RAPGEF6: variants seen among roughly 807,000 people sequenced by gnomAD.
RAPGEF6 encodes Rap guanine nucleotide exchange factor 6, also known as PDZ domain containing guanine nucleotide exchange factor (GEF) 2.
RAPGEF6 carries 56 observed loss-of-function variants against 171.4 expected under a neutral mutation model. That is an observed-to-expected ratio of 0.33 (90% confidence interval 0.26 to 0.41). The LOEUF (loss-of-function observed/expected upper bound fraction) is 0.41, where lower values mean the gene tolerates loss of function less well. Among genes scored for constraint, RAPGEF6 ranks in the 10% least tolerant of loss-of-function variants. The pLI is 1.00. For synonymous variants in RAPGEF6, 692 were observed against 650.1 expected (o/e 1.06, Z -0.98); for missense variants, 1,674 against 1,921.4 (o/e 0.87, Z 2.41).
intron 1 of RAPGEF6, among the ~76,000 whole-genome samples, chr5:131,632,804 T>C (rs1766395981): frequency 6.6e-6 from 1 of 152,206 alleles, no homozygotes; most frequent in Admixed American, 6.5e-5. Flanking sequence ...CAGATTTCCT[T>C]CTTCATACTT....
chr5:131,455,771 G>T (rs1447054003), intron 20 of RAPGEF6, 30 bp downstream of exon 20: 7 of 1,564,244 alleles, frequency 4.5e-6, no homozygotes, highest in Non-Finnish European at 5.3e-6. Flanking sequence ...AAACCATGTG[G>T]TAAAACATCA....
At chr5:131,625,203 G>A (rs562546531) in intron 1 of RAPGEF6, among the ~76,000 whole-genome samples, 5 of 152,018 alleles carry the variant, frequency 3.3e-5, no homozygotes, top group South Asian at 2.1e-4. Context: ...CAGAGGTTGC[G>A]GTGAGCTGAG....
chr5:131,473,458 C>T (rs1754890586), intron 16 of RAPGEF6, among the ~76,000 whole-genome samples: 1 of 152,136 alleles, frequency 6.6e-6, no homozygotes, highest in African/African-American at 2.4e-5. Flanking sequence ...GAAACAAACA[C>T]TGTCACTTAG....
At chr5:131,619,088 T>A (rs1765449868) in intron 1 of RAPGEF6, among the ~76,000 whole-genome samples, 1 of 150,718 alleles carries the variant, frequency 6.6e-6, no homozygotes. Flanking sequence ...AAGGAGACTA[T>A]GGTAACCAAA....
intron 4 of RAPGEF6, among the ~76,000 whole-genome samples, chr5:131,575,447 C>T (rs1328785642): frequency 6.6e-6 from 1 of 152,132 alleles, no homozygotes; most frequent in East Asian, 1.9e-4. Flanking sequence ...CTTCCCCATC[C>T]GTTACCGATC....
chr5:131,500,834 G>A (rs1338093125), intron 11 of RAPGEF6, among the ~76,000 whole-genome samples: 1 of 152,112 alleles, frequency 6.6e-6, no homozygotes, highest in South Asian at 2.1e-4. Context: ...GTATCTCCCA[G>A]ATCTCACACA....
At chr5:131,524,353 G>C (rs1375935342) in intron 6 of RAPGEF6, among the ~76,000 whole-genome samples, 1 of 152,198 alleles carries the variant, frequency 6.6e-6, no homozygotes, top group Non-Finnish European at 1.5e-5. Context: ...AGTGCTCTCA[G>C]TTCCTTGCAC....
At chr5:131,493,720 T>C (rs182112481) in intron 13 of RAPGEF6, among the ~76,000 whole-genome samples, 2 of 152,260 alleles carry the variant, frequency 1.3e-5, no homozygotes, top group African/African-American at 4.8e-5. Flanking sequence ...TCTGTTCTGA[T>C]CCTACATTGA....
chr5:131,515,266 C>G (rs1356049986), intron 7 of RAPGEF6, among the ~76,000 whole-genome samples: 2 of 152,092 alleles, frequency 1.3e-5, no homozygotes, highest in Non-Finnish European at 2.9e-5. Context: ...TTTCATGGAC[C>G]ATTTAGTTCT....
At chr5:131,557,122 A>G (rs1761285593) in intron 5 of RAPGEF6, among the ~76,000 whole-genome samples, 1 of 152,192 alleles carries the variant, frequency 6.6e-6, no homozygotes, top group Non-Finnish European at 1.5e-5. Context: ...CTTATGTGAC[A>G]TATGTTACAG....
At chr5:131,557,370 A>C (rs1189422316) in intron 5 of RAPGEF6, among the ~76,000 whole-genome samples, 1 of 152,202 alleles carries the variant, frequency 6.6e-6, no homozygotes, top group Non-Finnish European at 1.5e-5. Context: ...TATAAAATTC[A>C]ATTTTCTACT....
Position 131,562,051 on chromosome 5 carries a change from T to A in RAPGEF6, c.282-4A>T, listed in dbSNP as rs752462185. On this transcript the variant is annotated splice_region_variant and splice_polypyrimidine_tract_variant and intron_variant, in intron 4 of 27. Transcript: ENST00000509018. The stretch of plus-strand genomic sequence containing the variant: ...TCCTCCAAACTGCTTACCAAAACTA[T>A]AAAAACAGAAAAACAATTTCTTTAG... 4.5e-6 allele frequency: 7 copies of A among 1,558,114 alleles called. No individual in the cohort carries two copies. The African/African-American group carries it at 8.4e-5, about 19-fold the overall frequency.
intron 1 of RAPGEF6, among the ~76,000 whole-genome samples, chr5:131,625,597 C>T (rs1219016750): frequency 2.6e-5 from 4 of 151,950 alleles, no homozygotes; most frequent in Non-Finnish European, 5.9e-5. Context: ...GGGTGGATCA[C>T]GAGGTCGGGA....
In RAPGEF6 at chr5:131,479,702, T is replaced by C. The variant is rs1351737610; in HGVS notation, c.1892A>G (p.His631Arg). 1 of 1,613,960 alleles carries C rather than the reference T, an allele frequency of 6.2e-7. No individual in the cohort carries two copies. Among genetic ancestry groups the C allele is most frequent in the Admixed American group, 1.7e-5 (1 of 60,004 alleles). ...RTEQEKSGVP[H>R]IPKIAEKKSN... ...TTTTTTTTCAGCAATTTTGGGAATATGAGGAACACCAGATTTCTCTTGTTC... is the reference window on the plus strand; with the variant it reads ...TTTTTTTTCAGCAATTTTGGGAATACGAGGAACACCAGATTTCTCTTGTTC... The change falls in exon 16 of 28, where the codon CAT becomes CGT. Residue 631 changes from histidine to arginine, a missense_variant. Transcript: ENST00000509018.
rs546565830 is a variant in RAPGEF6 at position 131,610,360 on chromosome 5, ACACCAGGGCCCAAGAAT to A, written c.70-5684_70-5668del. ...TACAGCTGCCACCAGGGCACTTTAA[ACACCAGGGCCCAAGAAT>A]CAGCAGGTAAGAAGAGTTGCCATTT... is the stretch of plus-strand genomic sequence containing the variant. On this transcript the variant is annotated intron_variant, in intron 1 of 27. Transcript: ENST00000509018. 3.4e-3 allele frequency among the ~76,000 whole-genome samples: 516 copies of A among 152,304 alleles called. 1 individual carries two copies. Among genetic ancestry groups the A allele is most frequent in the Non-Finnish European group, 5.5e-3 (374 of 68,030 alleles).
At chr5:131,542,911 CA>C (rs1760250621) in intron 6 of RAPGEF6, among the ~76,000 whole-genome samples, 1 of 152,130 alleles carries the variant, frequency 6.6e-6, no homozygotes, top group Non-Finnish European at 1.5e-5. Context: ...GAGAACTGAA[CA>C]AAGTCCAGAT....
At chr5:131,628,976 A>AC (rs1766118486) in intron 1 of RAPGEF6, among the ~76,000 whole-genome samples, 1 of 152,210 alleles carries the variant, frequency 6.6e-6, no homozygotes, top group Admixed American at 6.5e-5. Flanking sequence ...ATGGAGGTAC[A>AC]CAAGGAGATT....
chr5:131,608,132 T>C (rs747352327), intron 1 of RAPGEF6, among the ~76,000 whole-genome samples: 2 of 152,204 alleles, frequency 1.3e-5, no homozygotes, highest in Admixed American at 6.5e-5. Context: ...CTGCTAAACA[T>C]AGCCATGCCC....
At chr5:131,499,545 C>T (rs1169118552) in intron 11 of RAPGEF6, among the ~76,000 whole-genome samples, 1 of 133,326 alleles carries the variant, frequency 7.5e-6, no homozygotes, top group Non-Finnish European at 1.5e-5. Flanking sequence ...CATGCCACTG[C>T]ACTCCAGCTG....
Sources: gnomAD v4.1 joint callset for allele counts (sites outside exome capture counted in the v4.1 genomes callset) on GRCh38, gnomAD v4.1.1 for gene constraint, MANE v1.5 for transcripts, NCBI Gene and HGNC (gene_info 2026-07-23, HGNC 2026-07-21) for gene names.